The following CACNB2 variants were observed in gnomAD, a reference collection of about 807,000 sequenced individuals.
CACNB2 encodes the protein voltage-dependent L-type calcium channel subunit beta-2.
CACNB2 carries 42 observed loss-of-function variants against 73.3 expected under a neutral mutation model. The ratio of observed to expected loss-of-function variants is 0.57; its 90% CI spans 0.45 to 0.74. The LOEUF (loss-of-function observed/expected upper bound fraction) is 0.74, where lower values mean the gene tolerates loss of function less well. CACNB2 is among the 30% of genes least tolerant of loss of function. The probability of loss-of-function intolerance (pLI) is 0.00; values close to 1 mark genes in which losing one functional copy is unlikely to be tolerated. For synonymous variants in CACNB2, 348 were observed against 310.3 expected (o/e 1.12, Z -1.28); for missense variants, 940 against 853.0 (o/e 1.10, Z -1.27).
chr10:18,511,795 A>C (rs1398260553), intron 6 of CACNB2, among the ~76,000 whole-genome samples: 1 of 152,202 alleles, frequency 6.6e-6, no homozygotes, highest in African/African-American at 2.4e-5. Context: ...CAGATTGAGA[A>C]GGGACTTCGC....
intron 2 of CACNB2, among the ~76,000 whole-genome samples, chr10:18,254,398 A>G (rs2037200161): frequency 6.6e-6 from 1 of 152,088 alleles, no homozygotes; most frequent in Non-Finnish European, 1.5e-5. Context: ...GATTATTAGT[A>G]ATTTCAAAAG....
intron 1 of CACNB2, among the ~76,000 whole-genome samples, chr10:18,147,246 T>C (rs1243883237): frequency 2.6e-5 from 4 of 152,258 alleles, no homozygotes; most frequent in Admixed American, 2.0e-4. Flanking sequence ...TAAGCTGATA[T>C]TAACATCATG....
intron 2 of CACNB2, among the ~76,000 whole-genome samples, chr10:18,197,958 A>G (rs939815493): frequency 6.8e-6 from 1 of 148,092 alleles, no homozygotes; most frequent in Non-Finnish European, 1.5e-5. Context: ...ATTGTATTAT[A>G]ATCAATATAC....
intron 3 of CACNB2, among the ~76,000 whole-genome samples, chr10:18,432,253 A>G (rs2045923894): frequency 6.6e-6 from 1 of 152,224 alleles, no homozygotes; most frequent in South Asian, 2.1e-4. Flanking sequence ...TATTTGAAGT[A>G]AGATTTAAAA....
At chr10:18,297,625 C>T (rs1267866294) in intron 2 of CACNB2, among the ~76,000 whole-genome samples, 2 of 152,208 alleles carry the variant, frequency 1.3e-5, no homozygotes, top group African/African-American at 2.4e-5. Context: ...AATTCCTCCA[C>T]GGAGAAGACA....
intron 5 of CACNB2, among the ~76,000 whole-genome samples, chr10:18,502,731 G>A (rs1037795866): frequency 3.0e-5 from 4 of 132,374 alleles, no homozygotes; most frequent in African/African-American, 1.1e-4. Flanking sequence ...AAAACCGCAT[G>A]TTTTTACTTA....
At position 18,540,500 on chromosome 10, in the gene CACNB2, AAT is replaced by A. The variant is rs1388490236; in HGVS notation, c.*779_*780del. ...TAGTAGAAAGTGTGTACATACTGTA[AAT>A]ATGTGTGATTGCTTGACTTGAAAAG... On this transcript the variant is annotated 3_prime_UTR_variant, in exon 14 of 14. Transcript: ENST00000324631. 1 of 152,548 alleles carries A rather than the reference AAT, an allele frequency of 6.6e-6. No individual in the cohort carries two copies. The highest frequency in any genetic ancestry group is 1.5e-5 in the Non-Finnish European group (1 of 68,032). 9.4% of individuals were successfully genotyped at this position (152,548 alleles called of 1,614,324 possible).
rs1040195438 is a variant in CACNB2, at chr10:18,542,669, G to T, written c.*2945G>T. On this transcript the variant is annotated 3_prime_UTR_variant, in exon 14 of 14. Transcript: ENST00000324631. ...GCTTGAAGGATTTGACATAAGAGCC[G>T]CTATATGTGAAAAACTGTATAGTGG... The T allele has an allele frequency of 1.3e-5, 2 of 152,114 alleles. No homozygotes were observed. Among genetic ancestry groups the T allele is most frequent in the Non-Finnish European group, 2.9e-5 (2 of 68,032 alleles). The allele number at this position is 152,114 out of a possible 1,614,324, so 9.4% of individuals were successfully genotyped here. A position where few individuals can be genotyped will look rare whatever the true frequency, so the allele number is the denominator to read the frequency against.
At chr10:18,404,775 T>C (rs1382352495) in intron 3 of CACNB2, among the ~76,000 whole-genome samples, 1 of 152,226 alleles carries the variant, frequency 6.6e-6, no homozygotes, top group African/African-American at 2.4e-5. Flanking sequence ...AGATACTGTC[T>C]TTTAAAATTT....
At chr10:18,173,224 G>A (rs1031791274) in intron 2 of CACNB2, among the ~76,000 whole-genome samples, 8 of 152,110 alleles carry the variant, frequency 5.3e-5, no homozygotes, top group African/African-American at 1.9e-4. Context: ...CTGGCCATAA[G>A]GCCTATCTTA....
intron 3 of CACNB2, among the ~76,000 whole-genome samples, chr10:18,435,539 C>A (rs988006472): frequency 6.6e-6 from 1 of 152,114 alleles, no homozygotes; most frequent in Non-Finnish European, 1.5e-5. Context: ...CATTCTGTCA[C>A]CCAGGCTGAA....
chr10:18,418,367 C>T (rs982003), intron 3 of CACNB2, among the ~76,000 whole-genome samples: 107,812 of 152,200 alleles, frequency 0.71, 39,043 homozygotes, highest in East Asian at 0.94. Flanking sequence ...TCGCACAATC[C>T]GCTGTCAGTT....
At chr10:18,325,665 T>TTC (rs2040557243) in intron 2 of CACNB2, among the ~76,000 whole-genome samples, 1 of 113,770 alleles carries the variant, frequency 8.8e-6, no homozygotes, top group Non-Finnish European at 2.0e-5. Flanking sequence ...CTCTCTCTCT[T>TTC]TCTTTCTCTT....
intron 2 of CACNB2, among the ~76,000 whole-genome samples, chr10:18,210,272 A>G (rs2035264950): frequency 6.6e-6 from 1 of 152,206 alleles, no homozygotes; most frequent in Non-Finnish European, 1.5e-5. Flanking sequence ...GAGAAAACGC[A>G]GCTCCAGAAT....
At chr10:18,183,326 C>CT (rs1364480517) in intron 2 of CACNB2, among the ~76,000 whole-genome samples, 5 of 144,800 alleles carry the variant, frequency 3.5e-5, no homozygotes, top group African/African-American at 1.3e-4. Flanking sequence ...TCTGCCTGTT[C>CT]TTTTTTATTA....
chr10:18,194,339 TG>T (rs1424423998), intron 2 of CACNB2, among the ~76,000 whole-genome samples: 1 of 152,122 alleles, frequency 6.6e-6, no homozygotes, highest in Admixed American at 6.5e-5. Context: ...GGAAGCCAGG[TG>T]GGAGTGAACC....
At position 18,462,026 on chromosome 10, in the gene CACNB2, G is replaced by T. The variant is rs144720723; in HGVS notation, c.334-36329G>T. Among the ~76,000 whole-genome samples the T allele has an allele frequency of 6.3e-3, 960 of 152,126 alleles. 7 individuals are homozygous for T. Among genetic ancestry groups the T allele is most frequent in the African/African-American group, 0.022 (900 of 41,530 alleles). ...GATACCTCTCCACCCTCACAGCCAG[G>T]AATCTATCCCGTTCTAGAGAATCGG... On this transcript the variant is annotated intron_variant, in intron 3 of 13. Transcript: ENST00000324631.
chr10:18,200,499 A>T (rs1459430860), intron 2 of CACNB2, among the ~76,000 whole-genome samples: 2 of 151,894 alleles, frequency 1.3e-5, no homozygotes, highest in South Asian at 2.1e-4. Context: ...TAAATAATAA[A>T]TTTTTTATAA....
chr10:18,537,608 C>A (rs555005407), intron 12 of CACNB2, among the ~76,000 whole-genome samples: 1 of 152,066 alleles, frequency 6.6e-6, no homozygotes, highest in South Asian at 2.1e-4. Flanking sequence ...AAAACCCCAT[C>A]TCTACTAAAA....
Sources: allele counts gnomAD v4.1 joint callset (sites outside exome capture counted in the v4.1 genomes callset), GRCh38; gene constraint gnomAD v4.1.1; transcripts MANE v1.5; gene names NCBI Gene and HGNC (gene_info 2026-07-23, HGNC 2026-07-21).